The following HIPK2 variants were observed in gnomAD, a reference collection of about 807,000 sequenced individuals.
HIPK2 encodes the protein homeodomain-interacting protein kinase 2.
Under a neutral mutation model 113.7 loss-of-function variants are expected in HIPK2, and 27 were observed. The observed-to-expected ratio is 0.24, with a 90% CI of 0.17 to 0.33. The LOEUF (loss-of-function observed/expected upper bound fraction) is 0.33. Among genes scored for constraint, HIPK2 ranks in the 10% least tolerant of loss-of-function variants. The pLI is 1.00. For missense variants in HIPK2, 1,257 were observed against 1,588.0 expected (o/e 0.79, Z 3.54); for synonymous variants, 631 against 642.2 (o/e 0.98, Z 0.26).
At chr7:139,655,921 C>A (rs372787112) in intron 2 of HIPK2, among the ~76,000 whole-genome samples, 1 of 152,134 alleles carries the variant, frequency 6.6e-6, no homozygotes, top group East Asian at 1.9e-4. Context: ...GGAAAGGCTG[C>A]ACTCACACAT....
chr7:139,634,407 C>T (rs1800734383), intron 2 of HIPK2, among the ~76,000 whole-genome samples: 1 of 152,070 alleles, frequency 6.6e-6, no homozygotes, highest in African/African-American at 2.4e-5. Context: ...CACTCTTACT[C>T]ACTGGCACTG....
chr7:139,752,226 G>A (rs1022266262), intron 1 of HIPK2, among the ~76,000 whole-genome samples: 1 of 152,080 alleles, frequency 6.6e-6, no homozygotes, highest in Non-Finnish European at 1.5e-5. Context: ...ACCCCACAGG[G>A]GCAGCTCCTT....
intron 2 of HIPK2, among the ~76,000 whole-genome samples, chr7:139,668,570 CA>C (rs554785662): frequency 0.07 from 7,144 of 102,788 alleles, 331 homozygotes; most frequent in African/African-American, 0.19. Context: ...GGCTCTGTCT[CA>C]AAAAAAAAAA....
At chr7:139,639,403 A>C (rs1010884505) in intron 2 of HIPK2, among the ~76,000 whole-genome samples, 1 of 152,204 alleles carries the variant, frequency 6.6e-6, no homozygotes, top group African/African-American at 2.4e-5. Flanking sequence ...AGAATATTCA[A>C]CCACCATTTA....
chr7:139,588,513 TA>T (rs767272668), intron 12 of HIPK2, among the ~76,000 whole-genome samples: 3,338 of 124,808 alleles, frequency 0.027, 64 homozygotes, highest in Admixed American at 0.08. Context: ...CAGACTGTCT[TA>T]AAAAAAAAAA....
intron 2 of HIPK2, among the ~76,000 whole-genome samples, chr7:139,713,869 C>G (rs1416288864): frequency 6.6e-6 from 1 of 152,244 alleles, no homozygotes; most frequent in Non-Finnish European, 1.5e-5. Context: ...AGCTGGCTTT[C>G]AGAGGCCCAG....
chr7:139,703,965 C>G lies in HIPK2; in HGVS notation c.1103+11967G>C, dbSNP rs1311499808. Among the ~76,000 whole-genome samples the G allele has an allele frequency of 2.4e-5, 3 of 125,962 alleles. No homozygotes were observed. In the East Asian group the frequency reaches 8.0e-4, roughly 34 times the overall value. 82.6% of individuals were successfully genotyped at this position (125,962 alleles called of 152,430 possible). On this transcript the variant is annotated intron_variant, in intron 2 of 14. Transcript: ENST00000406875. ...ATATCCAACATACACACCCCCAACACACACCACACACACAACCACACCCAA... is the reference window on the plus strand; with the variant it reads ...ATATCCAACATACACACCCCCAACAGACACCACACACACAACCACACCCAA...
intron 10 of HIPK2, among the ~76,000 whole-genome samples, chr7:139,601,655 A>T (rs191058600): frequency 1.3e-5 from 2 of 152,220 alleles, no homozygotes. Flanking sequence ...AAAACGGGTT[A>T]TGTTTCACAA....
chr7:139,653,188 A>G (rs1801528185), intron 2 of HIPK2, among the ~76,000 whole-genome samples: 1 of 151,180 alleles, frequency 6.6e-6, no homozygotes, highest in Admixed American at 6.6e-5. Flanking sequence ...AGGAAGTGAC[A>G]CAAGGGCTAG....
At chr7:139,661,670 A>G (rs1801871676) in intron 2 of HIPK2, among the ~76,000 whole-genome samples, 1 of 152,194 alleles carries the variant, frequency 6.6e-6, no homozygotes, top group Non-Finnish European at 1.5e-5. Context: ...CATAAAATAC[A>G]CTAACACTAA....
intron 7 of HIPK2, among the ~76,000 whole-genome samples, chr7:139,617,106 G>A (rs1334269840): frequency 6.6e-6 from 1 of 152,194 alleles, no homozygotes; most frequent in Non-Finnish European, 1.5e-5. Flanking sequence ...GCAACAAAAA[G>A]TTTTCTACTT....
intron 1 of HIPK2, among the ~76,000 whole-genome samples, chr7:139,735,006 T>C (rs1019504993): frequency 2.0e-5 from 3 of 152,228 alleles, no homozygotes; most frequent in Non-Finnish European, 4.4e-5. Flanking sequence ...ATAACTATGA[T>C]ATGTCATACC....
intron 2 of HIPK2, among the ~76,000 whole-genome samples, chr7:139,645,662 C>T (rs530166034): frequency 2.6e-5 from 4 of 152,224 alleles, no homozygotes; most frequent in Admixed American, 6.5e-5. Flanking sequence ...GGTGTGAGTG[C>T]GGTGAGGGGA....
intron 13 of HIPK2, among the ~76,000 whole-genome samples, chr7:139,578,211 T>C (rs1798553009): frequency 2.0e-5 from 3 of 152,174 alleles, no homozygotes; most frequent in Admixed American, 6.5e-5. Context: ...GGTTTCACCA[T>C]ATTGGCCAGG....
intron 2 of HIPK2, among the ~76,000 whole-genome samples, chr7:139,679,962 T>C (rs548246691): frequency 6.6e-6 from 1 of 151,910 alleles, no homozygotes; most frequent in Non-Finnish European, 1.5e-5. Flanking sequence ...TTAGTCTTTA[T>C]CCCAAAAGCC....
intron 2 of HIPK2, among the ~76,000 whole-genome samples, chr7:139,645,538 C>T (rs190854217): frequency 3.6e-4 from 55 of 152,234 alleles, no homozygotes; most frequent in East Asian, 1.4e-3. Context: ...AAAGCAGGGC[C>T]GAAACCCACT....
chr7:139,695,969 G>C (rs887971304), intron 2 of HIPK2, among the ~76,000 whole-genome samples: 99,010 of 152,054 alleles, frequency 0.65, 32,876 homozygotes, highest in African/African-American at 0.71. Context: ...AAGGGGGGAA[G>C]AAAAGTATTA....
At chr7:139,607,602 G>A (rs970782921) in intron 9 of HIPK2, among the ~76,000 whole-genome samples, 9 of 152,046 alleles carry the variant, frequency 5.9e-5, no homozygotes, top group Non-Finnish European at 1.3e-4. Flanking sequence ...TTAACTCCAG[G>A]AAAAACAAAA....
chr7:139,601,376 C>A (rs548082882), intron 10 of HIPK2, among the ~76,000 whole-genome samples: 1 of 152,184 alleles, frequency 6.6e-6, no homozygotes, highest in African/African-American at 2.4e-5. Flanking sequence ...TTAGCAATAC[C>A]ATTTTATTAA....
Sources: allele counts gnomAD v4.1 joint callset (sites outside exome capture counted in the v4.1 genomes callset), GRCh38; gene constraint gnomAD v4.1.1; transcripts MANE v1.5; gene names NCBI Gene and HGNC (gene_info 2026-07-23, HGNC 2026-07-21).